PANK3: variants seen among roughly 807,000 people sequenced by gnomAD.
PANK3 encodes pantothenate kinase 3.
Under a neutral mutation model 39.4 loss-of-function variants are expected in PANK3, and 20 were observed. The ratio of observed to expected loss-of-function variants is 0.51; its 90% CI spans 0.36 to 0.74. The LOEUF (loss-of-function observed/expected upper bound fraction) is 0.74. Among genes scored for constraint, PANK3 ranks in the 30% least tolerant of loss-of-function variants. The pLI is 0.00. For missense variants in PANK3, 265 were observed against 437.0 expected (o/e 0.61, Z 3.51); for synonymous variants, 140 against 157.3 (o/e 0.89, Z 0.82).
At position 168,564,063 on chromosome 5, in the gene PANK3, A is replaced by C. The variant is rs1262635635; in HGVS notation, c.638T>G (p.Leu213Arg). ...TAAACCCAGAAAGGTACCCCCTCCAAGGCTAAAGAAAATAAAGAAACTTGC... is the reference window on the plus strand; with the variant it reads ...TAAACCCAGAAAGGTACCCCCTCCACGGCTAAAGAAAATAAAGAAACTTGC... ...DNYKRVTGTS[L>R]GGGTFLGLCS... The change falls in exon 4 of 7, where the codon CTT (leucine) becomes CGT (arginine). Residue 213 changes from leucine (L) to arginine (R), a missense_variant and splice_region_variant. By Grantham distance (102) the Leu-to-Arg change is moderately radical. Around this residue, in one of 3 missense-constraint regions of PANK3, gnomAD observed 154 missense variants for 256.8 expected, o/e 0.60. Coordinates refer to ENST00000239231, the MANE Select transcript of PANK3 (RefSeq NM_024594.4). 6.3e-7 allele frequency: 1 copy of C among 1,585,838 alleles called. No individual in the cohort carries two copies. The highest frequency in any genetic ancestry group is 8.5e-7 in the Non-Finnish European group (1 of 1,171,942).
At chr5:168,564,452 A>C (rs1759494121) in intron 3 of PANK3, among the ~76,000 whole-genome samples, 1 of 152,172 alleles carries the variant, frequency 6.6e-6, no homozygotes, top group Non-Finnish European at 1.5e-5. Flanking sequence ...TTTTCTTTTG[A>C]GACAAGGTCT....
At chr5:168,573,504 C>T (rs1340411184) in intron 1 of PANK3, among the ~76,000 whole-genome samples, 1 of 143,884 alleles carries the variant, frequency 7.0e-6, no homozygotes, top group Non-Finnish European at 1.5e-5. Context: ...TGATACACTC[C>T]TTTGTTTAAA....
intron 2 of PANK3, 56 bp from the exon 3 acceptor site, chr5:168,566,322 A>G (rs1582464794): frequency 6.6e-7 from 1 of 1,513,782 alleles, no homozygotes; most frequent in Non-Finnish European, 8.9e-7. Flanking sequence ...ACACTCAACT[A>G]TATGATTTTC....
chr5:168,570,905 G>A (rs1265196214), intron 1 of PANK3, among the ~76,000 whole-genome samples: 7 of 152,112 alleles, frequency 4.6e-5, no homozygotes, highest in Non-Finnish European at 1.0e-4. Flanking sequence ...CAGCGATAGA[G>A]GCCATCTTAA....
At chr5:168,569,831 C>A (rs6882487) in intron 1 of PANK3, among the ~76,000 whole-genome samples, 1 of 151,676 alleles carries the variant, frequency 6.6e-6, no homozygotes, top group Admixed American at 6.6e-5. Flanking sequence ...TAGGGGGGAT[C>A]GCTTGAAAAC....
chr5:168,565,091 A>G (rs531359470), intron 3 of PANK3, among the ~76,000 whole-genome samples: 1 of 152,336 alleles, frequency 6.6e-6, no homozygotes, highest in South Asian at 2.1e-4. Context: ...GCAGTGTACA[A>G]TTCTTTGGCA....
rs1302888066 is a variant in PANK3, at chr5:168,554,518, T to C, written c.*3053A>G. The C allele has an allele frequency of 6.6e-6, 1 of 152,234 alleles. No individual in the cohort carries two copies. The highest frequency in any genetic ancestry group is 6.5e-5 in the Admixed American group (1 of 15,288). The allele number at this position is 152,234 out of a possible 1,614,324, so 9.4% of individuals were successfully genotyped here. On this transcript the variant is annotated 3_prime_UTR_variant, in exon 7 of 7. Coordinates refer to ENST00000239231, the MANE Select transcript of PANK3 (RefSeq NM_024594.4). ...CAATTGTTTAAAATTCAGTTTTCTTTACCTGAAGATATGAATGTATGAATT... is the reference window on the plus strand; with the variant it reads ...CAATTGTTTAAAATTCAGTTTTCTTCACCTGAAGATATGAATGTATGAATT...
chr5:168,564,795 A>C (rs1759499666), intron 3 of PANK3, among the ~76,000 whole-genome samples: 1 of 152,224 alleles, frequency 6.6e-6, no homozygotes, highest in Non-Finnish European at 1.5e-5. Flanking sequence ...ACTTGGCCTG[A>C]CATGGATGAA....
At chr5:168,558,322 G>A (rs748595727) in intron 6 of PANK3, among the ~76,000 whole-genome samples, 58 of 151,896 alleles carry the variant, frequency 3.8e-4, no homozygotes, top group Non-Finnish European at 4.0e-4. Flanking sequence ...CACCTCGCCC[G>A]GCTAATTTTT....
intron 1 of PANK3, among the ~76,000 whole-genome samples, chr5:168,572,274 C>A (rs549182528): frequency 6.6e-6 from 1 of 152,042 alleles, no homozygotes; most frequent in East Asian, 1.9e-4. Context: ...CTACCACGAC[C>A]AACTAATTTT....
intron 4 of PANK3, among the ~76,000 whole-genome samples, chr5:168,563,680 A>T (rs1175645849): frequency 4.3e-5 from 2 of 46,132 alleles, no homozygotes; most frequent in African/African-American, 3.4e-4. Context: ...CTCAAAAATT[A>T]AAAAAAAAAA....
chr5:168,561,329 G>A (rs1028703671), intron 5 of PANK3, 64 bp downstream of exon 5: 1 of 1,399,080 alleles, frequency 7.1e-7, no homozygotes, highest in Non-Finnish European at 9.5e-7. Flanking sequence ...AGCCCTGCTA[G>A]GTGTATATAG....
intron 5 of PANK3, among the ~76,000 whole-genome samples, chr5:168,560,734 A>T (rs1332832884): frequency 1.3e-5 from 2 of 152,222 alleles, no homozygotes; most frequent in Non-Finnish European, 2.9e-5. Flanking sequence ...ATAAAAATTA[A>T]ACGGGCAAAT....
intron 1 of PANK3, among the ~76,000 whole-genome samples, chr5:168,572,421 C>CA: frequency 6.6e-6 from 1 of 152,008 alleles, no homozygotes; most frequent in African/African-American, 2.4e-5. Context: ...AGAGAGTCAG[C>CA]AAAGGGTGGT....
chr5:168,566,622 G>A (rs545330520), intron 2 of PANK3, among the ~76,000 whole-genome samples: 1 of 152,210 alleles, frequency 6.6e-6, no homozygotes, highest in Non-Finnish European at 1.5e-5. Context: ...TTTTTATAGT[G>A]GCAGTAGGAA....
At position 168,579,364 on chromosome 5, in the gene PANK3, C is replaced by G. The variant is rs1201810539; in HGVS notation, c.-81G>C. ...GCGGCGACTCCGGAGGTGGCTGGGC[C>G]GCGCGGCGAGGCCCGGCCGGTTCCT... is the stretch of plus-strand genomic sequence containing the variant. On this transcript the variant is annotated 5_prime_UTR_variant, in exon 1 of 7. Coordinates refer to ENST00000239231, the MANE Select transcript of PANK3 (RefSeq NM_024594.4). The G allele has an allele frequency of 7.9e-7, 1 of 1,263,318 alleles. No individual in the cohort carries two copies. Among genetic ancestry groups the G allele is most frequent in the Non-Finnish European group, 1.0e-6 (1 of 971,920 alleles). The allele number at this position is 1,263,318 out of a possible 1,614,324, so 78.3% of individuals were successfully genotyped here.
intron 1 of PANK3, among the ~76,000 whole-genome samples, chr5:168,570,181 G>A (rs1361793972): frequency 6.6e-6 from 1 of 151,990 alleles, no homozygotes; most frequent in Non-Finnish European, 1.5e-5. Context: ...AGGAGATCGA[G>A]ACCTTCCTGG....
rs1759584753 is a variant in PANK3, at chr5:168,569,049, A to ATT, written c.29-52_29-51insAA. ...AAAAAAAATATATATATATATATAT[A>ATT]TCCATTTTAGAAACACAAATTAAAA... On this transcript the variant is annotated intron_variant, in intron 1 of 6. Transcript: ENST00000239231. 7.5e-6 allele frequency: 3 copies of ATT among 401,134 alleles called. No homozygotes were observed. The Admixed American group carries it at 1.6e-4, about 21-fold the overall frequency. The allele number at this position is 401,134 out of a possible 1,614,324, so 24.8% of individuals were successfully genotyped here.
chr5:168,570,697 A>C (rs1035096385), intron 1 of PANK3, among the ~76,000 whole-genome samples: 9 of 152,322 alleles, frequency 5.9e-5, no homozygotes, highest in African/African-American at 2.2e-4. Flanking sequence ...GGGAAGTCTA[A>C]GGAAATAGAT....
Sources: gnomAD v4.1 joint callset for allele counts (sites outside exome capture counted in the v4.1 genomes callset) on GRCh38, gnomAD v4.1.1 for gene constraint, gnomAD v4.1.1 regional missense constraint, MANE v1.5 for transcripts, NCBI Gene and HGNC (gene_info 2026-07-23, HGNC 2026-07-21) for gene names.